Variants in PDILT observed in about 807,000 individuals in gnomAD.
The protein encoded by PDILT is protein disulfide isomerase like, testis expressed.
In PDILT, 43 loss-of-function variants were observed where a neutral mutation model predicts 53.7. That is an observed-to-expected ratio of 0.80 (90% CI 0.63 to 1.03). PDILT has a LOEUF of 1.03. Ranked by LOEUF, PDILT falls within the 50% of genes least tolerant of loss-of-function variation. The pLI is 0.00. For missense variants in PDILT, 727 were observed against 712.3 expected, an observed-to-expected ratio of 1.02 and a Z score of -0.24; for synonymous variants, 282 against 274.2, an observed-to-expected ratio of 1.03 and a Z score of -0.28.
At chr16:20,368,614 CT>C (rs1567321541) in intron 8 of PDILT, among the ~76,000 whole-genome samples, 1 of 44,406 alleles carries the variant, frequency 2.3e-5, no homozygotes, top group Non-Finnish European at 9.0e-5. Context: ...GGGGGTGGTG[CT>C]GGACAGGGTC....
In PDILT at chr16:20,383,977, T is replaced by C. The variant is rs111668389; in HGVS notation, c.409+668A>G. Among the ~76,000 whole-genome samples, 336 of 152,342 alleles carry C rather than the reference T, an allele frequency of 2.2e-3. 3 individuals carry two copies. The highest frequency in any genetic ancestry group is 7.5e-3 in the African/African-American group (312 of 41,582). On this transcript the variant is annotated intron_variant, in intron 3 of 11. Coordinates refer to ENST00000302451, the MANE Select transcript of PDILT (RefSeq NM_174924.2). Reference sequence around the variant, plus strand: ...TGTCAATAAATGGATGCTGAATAAATGAATGAACGAGTTAATCAATGAATG... The same window carrying C: ...TGTCAATAAATGGATGCTGAATAAACGAATGAACGAGTTAATCAATGAATG...
intron 1 of PDILT, among the ~76,000 whole-genome samples, chr16:20,400,915 G>A (rs1188862632): frequency 3.3e-5 from 5 of 152,140 alleles, no homozygotes; most frequent in Admixed American, 6.5e-5. Context: ...GACAGTGTGC[G>A]AATTACCCTG....
chr16:20,364,848 G>T (rs550356396), intron 9 of PDILT, among the ~76,000 whole-genome samples: 1 of 152,304 alleles, frequency 6.6e-6, no homozygotes, highest in East Asian at 1.9e-4. Flanking sequence ...GAGGATTGGG[G>T]TCCCCACCTC....
rs141556300 is a variant in PDILT at position 20,381,729 on chromosome 16, T to C, written c.409+2916A>G. 3.0e-3 allele frequency among the ~76,000 whole-genome samples: 461 copies of C among 151,422 alleles called. 1 individual carries two copies. Among genetic ancestry groups the C allele is most frequent in the Non-Finnish European group, 4.8e-3 (323 of 67,836 alleles). ...TACTGCTCATCCTAAAATCCAGGCA[T>C]CCTCAATCCCTGTCCCAGCTTCATC... is the stretch of plus-strand genomic sequence containing the variant. On this transcript the variant is annotated intron_variant, in intron 3 of 11. Coordinates refer to ENST00000302451, the MANE Select transcript of PDILT (RefSeq NM_174924.2).
At chr16:20,361,837 C>T (rs1366485346) in intron 10 of PDILT, among the ~76,000 whole-genome samples, 1 of 152,190 alleles carries the variant, frequency 6.6e-6, no homozygotes, top group African/African-American at 2.4e-5. Context: ...CTTCCTCCCC[C>T]TTGATTTCAA....
At position 20,359,528 on chromosome 16, in the gene PDILT, C is replaced by T. The variant is rs766247428; in HGVS notation, c.1546G>A (p.Val516Met). Reference protein sequence around the residue: ...VEQNEVIEEEVLAEEKEVPMM... With the variant: ...VEQNEVIEEEMLAEEKEVPMM... ...GGCACCTCCTTTTCCTCAGCTAGCA[C>T]TTCCTCTTCTATCACTTCATTTTGC... The change falls in exon 12 of 12, where the codon GTG (valine) becomes ATG (methionine). Residue 516 changes from valine (V) to methionine (M), a missense_variant. Coordinates refer to ENST00000302451, the MANE Select transcript of PDILT (RefSeq NM_174924.2). 1.2e-6 allele frequency: 2 copies of T among 1,614,138 alleles called. No individual in the cohort carries two copies. The highest frequency in any genetic ancestry group is 2.2e-5 in the East Asian group (1 of 44,882).
intron 2 of PDILT, among the ~76,000 whole-genome samples, chr16:20,397,865 C>T (rs556207219): frequency 6.6e-6 from 1 of 152,286 alleles, no homozygotes; most frequent in East Asian, 1.9e-4. Context: ...GGAAGCAGGC[C>T]TTAGGGACTG....
In PDILT at chr16:20,369,408, G is replaced by A. The variant is rs1233591495; in HGVS notation, c.1116+84C>T. On this transcript the variant is annotated intron_variant, in intron 8 of 11. Coordinates refer to ENST00000302451, the MANE Select transcript of PDILT (RefSeq NM_174924.2). The stretch of plus-strand genomic sequence containing the variant: ...CTTTATTCTGCCTCCACATACAGGT[G>A]AGGAGAATTATCAAGGCCAACAGAA... 1.6e-5 allele frequency: 23 copies of A among 1,433,176 alleles called. 1 individual carries two copies. Among genetic ancestry groups the A allele is most frequent in the Admixed American group, 1.5e-4 (9 of 58,790 alleles). 88.8% of individuals were successfully genotyped at this position (1,433,176 alleles called of 1,614,324 possible). A position where few individuals can be genotyped will look rare whatever the true frequency, so the allele number is the denominator to read the frequency against.
At chr16:20,396,252 C>T (rs549153236) in intron 2 of PDILT, among the ~76,000 whole-genome samples, 9 of 152,196 alleles carry the variant, frequency 5.9e-5, no homozygotes, top group Non-Finnish European at 1.3e-4. Flanking sequence ...GGCCACATAT[C>T]CAGTTTATGG....
chr16:20,361,932 C>T (rs1488318918), intron 10 of PDILT, among the ~76,000 whole-genome samples: 2 of 152,228 alleles, frequency 1.3e-5, no homozygotes, highest in African/African-American at 4.8e-5. Flanking sequence ...ATGGACATGG[C>T]ATGGAGTGTG....
At chr16:20,400,329 C>A (rs1398704535) in intron 1 of PDILT, among the ~76,000 whole-genome samples, 2 of 152,026 alleles carry the variant, frequency 1.3e-5, no homozygotes, top group African/African-American at 2.4e-5. Flanking sequence ...CCTGCCTCAG[C>A]CTCCTAAAGT....
At position 20,369,785 on chromosome 16, in the gene PDILT, GTCTGTGGAGCACC is replaced by G. The variant is rs1966276971; in HGVS notation, c.919-109_919-97del. On this transcript the variant is annotated intron_variant, in intron 7 of 11. Coordinates refer to ENST00000302451, the MANE Select transcript of PDILT (RefSeq NM_174924.2). ...GGACTAAGGGGATGCACATGGTGGG[GTCTGTGGAGCACC>G]TCTGCAAAATGTAACAAAGGCAGGT... The G allele has an allele frequency of 4.0e-6, 5 of 1,252,140 alleles. No individual in the cohort carries two copies. In the South Asian group the frequency reaches 6.2e-5, roughly 15 times the overall value. 77.6% of individuals were successfully genotyped at this position (1,252,140 alleles called of 1,614,324 possible). A position where few individuals can be genotyped will look rare whatever the true frequency, so the allele number is the denominator to read the frequency against.
chr16:20,375,928 T>C (rs1321672721), intron 4 of PDILT, 140 bp downstream of exon 4: 2 of 1,062,676 alleles, frequency 1.9e-6, no homozygotes, highest in Non-Finnish European at 2.7e-6. Flanking sequence ...ATTTGAACCC[T>C]TGGAGCTTCC....
At chr16:20,398,158 A>G (rs1242014366) in intron 2 of PDILT, among the ~76,000 whole-genome samples, 2 of 152,200 alleles carry the variant, frequency 1.3e-5, no homozygotes, top group Non-Finnish European at 2.9e-5. Flanking sequence ...TGCCAGGCAC[A>G]CCATGAATGC....
chr16:20,375,971 G>T, intron 4 of PDILT, 97 bp downstream of exon 4: 1 of 1,450,598 alleles, frequency 6.9e-7, no homozygotes, highest in Non-Finnish European at 9.4e-7. Flanking sequence ...GGAGAAAATT[G>T]GGCAATCAAA....
At chr16:20,397,552 T>C (rs924874343) in intron 2 of PDILT, among the ~76,000 whole-genome samples, 6 of 152,200 alleles carry the variant, frequency 3.9e-5, no homozygotes, top group Non-Finnish European at 4.4e-5. Context: ...ACTCAGCCTT[T>C]GAACGTAGGA....
At chr16:20,389,884 G>A (rs907475186) in intron 2 of PDILT, among the ~76,000 whole-genome samples, 4 of 152,070 alleles carry the variant, frequency 2.6e-5, no homozygotes, top group African/African-American at 7.2e-5. Context: ...AATGTCGGAC[G>A]TTTTGCAAGG....
chr16:20,397,961 C>A (rs1364938066), intron 2 of PDILT, among the ~76,000 whole-genome samples: 3 of 152,234 alleles, frequency 2.0e-5, no homozygotes, highest in Non-Finnish European at 4.4e-5. Context: ...TTCTCCAAAT[C>A]CTACCATACA....
intron 11 of PDILT, among the ~76,000 whole-genome samples, chr16:20,360,119 T>G (rs904234528): frequency 2.0e-5 from 3 of 152,212 alleles, no homozygotes; most frequent in African/African-American, 7.2e-5. Context: ...AAATTCCCAT[T>G]GTTGCTTAAA....
Sources: gnomAD v4.1 joint callset for allele counts (sites outside exome capture counted in the v4.1 genomes callset) on GRCh38, gnomAD v4.1.1 for gene constraint, MANE v1.5 for transcripts, NCBI Gene and HGNC (gene_info 2026-07-23, HGNC 2026-07-21) for gene names.